The following ZC3H8 variants were observed in gnomAD, a reference collection of about 807,000 sequenced individuals.
ZC3H8 encodes zinc finger CCCH-type containing 8.
Under a neutral mutation model 42.5 loss-of-function variants are expected in ZC3H8, and 27 were observed. The observed-to-expected ratio is 0.64, with a 90% CI of 0.47 to 0.88. ZC3H8 has a LOEUF of 0.88. Ranked by LOEUF, ZC3H8 falls within the 40% of genes least tolerant of loss-of-function variation. ZC3H8 has a pLI of 0.00. For synonymous variants in ZC3H8, 101 were observed against 110.1 expected (o/e 0.92, Z 0.52); for missense variants, 277 against 336.1 (o/e 0.82, Z 1.37).
At chr2:112,242,886 G>T (rs200621551) in intron 2 of ZC3H8, among the ~76,000 whole-genome samples, 1 of 152,144 alleles carries the variant, frequency 6.6e-6, no homozygotes, top group African/African-American at 2.4e-5. Context: ...TATAATCAAA[G>T]TAAGTTTCAT....
In ZC3H8 at chr2:112,234,198, C is replaced by T. The variant is rs1464089939; in HGVS notation, c.543G>A (p.Gln181=). The part of the protein sequence containing the change: ...KPKEKQQHLS[Q]AFINQHTVER... ...CCACTGTATGTTGGTTGATGAATGC[C>T]TGACTCAAATGCTGCTGCTTCTCTT... is the stretch of plus-strand genomic sequence containing the variant. Residue 181 remains glutamine, a synonymous_variant, in exon 5 of 9, where the codon CAG becomes CAA. Transcript: ENST00000409573. 1.9e-6 allele frequency: 3 copies of T among 1,609,316 alleles called. No homozygotes were observed. The highest frequency in any genetic ancestry group is 1.7e-6 in the Non-Finnish European group (2 of 1,178,454).
intron 8 of ZC3H8, among the ~76,000 whole-genome samples, chr2:112,228,450 C>T (rs1426271350): frequency 2.0e-5 from 3 of 150,354 alleles, no homozygotes; most frequent in South Asian, 2.1e-4. Flanking sequence ...TGCAGTGAGC[C>T]GAGACTGCAC....
At chr2:112,246,007 C>A (rs931982713) in intron 2 of ZC3H8, among the ~76,000 whole-genome samples, 3 of 152,182 alleles carry the variant, frequency 2.0e-5, no homozygotes, top group Non-Finnish European at 4.4e-5. Flanking sequence ...GAAACCAATG[C>A]TCATTTACCA....
chr2:112,222,770 CAA>C (rs1684645455), intron 8 of ZC3H8, among the ~76,000 whole-genome samples: 1 of 152,106 alleles, frequency 6.6e-6, no homozygotes, highest in Non-Finnish European at 1.5e-5. Flanking sequence ...GCCTTGAAGA[CAA>C]GAGGAAATGG....
intron 8 of ZC3H8, among the ~76,000 whole-genome samples, chr2:112,219,702 T>C (rs1684501641): frequency 6.6e-6 from 1 of 152,076 alleles, no homozygotes; most frequent in Non-Finnish European, 1.5e-5. Context: ...GTATGGTCAA[T>C]TTTAGAGTAT....
At chr2:112,241,782 T>G in intron 2 of ZC3H8, among the ~76,000 whole-genome samples, 1 of 152,238 alleles carries the variant, frequency 6.6e-6, no homozygotes, top group Non-Finnish European at 1.5e-5. Context: ...GTCTTAATAT[T>G]CAGTGTATTA....
At chr2:112,229,425 T>C (rs1270920614) in intron 8 of ZC3H8, among the ~76,000 whole-genome samples, 1 of 152,206 alleles carries the variant, frequency 6.6e-6, no homozygotes, top group Non-Finnish European at 1.5e-5. Context: ...ACAGTTTCCT[T>C]CTCCTTGACT....
chr2:112,238,174 G>T, intron 3 of ZC3H8, 141 bp downstream of exon 3: 2 of 874,848 alleles, frequency 2.3e-6, no homozygotes, highest in Non-Finnish European at 3.4e-6. Flanking sequence ...GGCCATGCAA[G>T]CTCATGTCTG....
intron 2 of ZC3H8, among the ~76,000 whole-genome samples, chr2:112,240,984 T>C (rs55916356): frequency 0.025 from 3,243 of 132,346 alleles, 66 homozygotes; most frequent in East Asian, 0.098. Context: ...TGTGTGTGTG[T>C]GCGCGTGTGT....
chr2:112,238,068 T>C (rs1049343375), intron 3 of ZC3H8, among the ~76,000 whole-genome samples: 7 of 152,158 alleles, frequency 4.6e-5, no homozygotes, highest in African/African-American at 1.7e-4. Context: ...CCTTTAGAAA[T>C]AGTCAGGGCC....
At chr2:112,219,998 T>C (rs1684515792) in intron 8 of ZC3H8, among the ~76,000 whole-genome samples, 2 of 152,222 alleles carry the variant, frequency 1.3e-5, no homozygotes. Flanking sequence ...TTCCATTTGC[T>C]TAGTAGATTT....
chr2:112,254,895 G>T lies in ZC3H8; in HGVS notation c.74+13C>A, dbSNP rs772258248. The T allele has an allele frequency of 6.2e-6, 10 of 1,613,024 alleles. No homozygotes were observed. The South Asian group carries it at 8.8e-5, about 14-fold the overall frequency. ...AGCCCCTGCATTCAAAAGATGAAAA[G>T]ATATGGGATCACCTTTCGTCAGAGT... is the stretch of plus-strand genomic sequence containing the variant. On this transcript the variant is annotated intron_variant, in intron 1 of 8. Coordinates refer to ENST00000409573, the MANE Select transcript of ZC3H8 (RefSeq NM_032494.3).
intron 2 of ZC3H8, among the ~76,000 whole-genome samples, chr2:112,248,344 A>G (rs1327756678): frequency 6.7e-6 from 1 of 149,288 alleles, no homozygotes; most frequent in Admixed American, 6.6e-5. Context: ...AAGAAAAGAA[A>G]GAAAAAGAAA....
intron 8 of ZC3H8, among the ~76,000 whole-genome samples, chr2:112,221,508 C>T (rs1346536289): frequency 1.3e-5 from 2 of 152,144 alleles, no homozygotes; most frequent in African/African-American, 4.8e-5. Flanking sequence ...TTATAAATTA[C>T]CCAGTCTAAG....
At chr2:112,226,013 T>C (rs962922449) in intron 8 of ZC3H8, among the ~76,000 whole-genome samples, 34 of 149,242 alleles carry the variant, frequency 2.3e-4, no homozygotes, top group African/African-American at 8.2e-4. Flanking sequence ...ACCCAAGAGG[T>C]AGAGGTTGCA....
intron 8 of ZC3H8, among the ~76,000 whole-genome samples, chr2:112,222,455 A>G (rs1684630575): frequency 6.6e-6 from 1 of 152,170 alleles, no homozygotes; most frequent in East Asian, 1.9e-4. Flanking sequence ...CTGTGCCCTA[A>G]AAAAAGAAGA....
intron 3 of ZC3H8, 139 bp from the exon 4 acceptor site, chr2:112,236,834 G>T: frequency 1.2e-6 from 1 of 805,500 alleles, no homozygotes; most frequent in Non-Finnish European, 1.9e-6. Flanking sequence ...ACTGCTCAAA[G>T]CTAGGAGTTC....
At chr2:112,217,397 CA>C (rs1182199843) in intron 8 of ZC3H8, among the ~76,000 whole-genome samples, 2 of 151,956 alleles carry the variant, frequency 1.3e-5, no homozygotes, top group Non-Finnish European at 2.9e-5. Context: ...AAGTGATGGG[CA>C]AATGAATATT....
At chr2:112,231,455 T>TA in intron 7 of ZC3H8, among the ~76,000 whole-genome samples, 1 of 152,284 alleles carries the variant, frequency 6.6e-6, no homozygotes, top group South Asian at 2.1e-4. Flanking sequence ...AATTACTACT[T>TA]AACTATTATT....
Sources: allele counts gnomAD v4.1 joint callset (sites outside exome capture counted in the v4.1 genomes callset), GRCh38; gene constraint gnomAD v4.1.1; transcripts MANE v1.5; gene names NCBI Gene and HGNC (gene_info 2026-07-23, HGNC 2026-07-21).